ADORA2B: variants seen among roughly 807,000 people sequenced by gnomAD.
The protein encoded by ADORA2B is adenosine A2b receptor, also known as adenosine receptor A2b.
A neutral mutation model predicts 20.8 loss-of-function variants in ADORA2B; 18 were observed. The observed-to-expected ratio is 0.87, with a 90% CI of 0.60 to 1.29. The LOEUF is 1.29. Among genes scored for constraint, ADORA2B ranks in the 50% most tolerant of loss-of-function variants. The pLI is 0.00. For missense variants in ADORA2B, 441 were observed against 422.7 expected (o/e 1.04, Z -0.38); for synonymous variants, 179 against 178.3 (o/e 1.00, Z -0.03).
the ADORA2B span, among the ~76,000 whole-genome samples, chr17:15,929,805 T>TAGTA: frequency 2.6e-5 from 4 of 151,666 alleles, no homozygotes; most frequent in East Asian, 7.7e-4. Context: ...CTACATGAGG[T>TAGTA]AGTAGAGTAG....
the ADORA2B span, among the ~76,000 whole-genome samples, chr17:15,875,901 T>G: frequency 6.6e-6 from 1 of 152,238 alleles, no homozygotes; most frequent in African/African-American, 2.4e-5. Context: ...GTTTTCTATG[T>G]AAATGTCACT....
chr17:15,864,089 C>T, the ADORA2B span: 14 of 201,518 alleles, frequency 6.9e-5, no homozygotes, highest in Non-Finnish European at 1.2e-4. Context: ...GGCCTTGGCC[C>T]GGGAATATGG....
Position 15,945,236 on chromosome 17 carries a change from A to G in ADORA2B, c.-13A>G. 3 of 1,405,372 alleles carry G rather than the reference A, an allele frequency of 2.1e-6. No homozygotes were observed. Among genetic ancestry groups the G allele is most frequent in the Non-Finnish European group, 2.8e-6 (3 of 1,086,284 alleles). The allele number at this position is 1,405,372 out of a possible 1,614,324, so 87.1% of individuals were successfully genotyped here. On this transcript the variant is annotated 5_prime_UTR_variant, in exon 1 of 2. Transcript: ENST00000304222. Reference sequence around the variant, plus strand: ...CTTCGGTAGGGGGCGCCCGGGGCCCAGCTGGCCCGGCCATGCTGCTGGAGA... The same window carrying G: ...CTTCGGTAGGGGGCGCCCGGGGCCCGGCTGGCCCGGCCATGCTGCTGGAGA...
At position 15,945,173 on chromosome 17, in the gene ADORA2B, C is replaced by T; in HGVS notation, c.-76C>T. On this transcript the variant is annotated 5_prime_UTR_variant, in exon 1 of 2. Transcript: ENST00000304222. Reference sequence around the variant, plus strand: ...CGCGGTCCGGGCGCTATGGCCATGCCCGGCGGGTCTCACGCGGCTGCCCCT... The same window carrying T: ...CGCGGTCCGGGCGCTATGGCCATGCTCGGCGGGTCTCACGCGGCTGCCCCT... 7.8e-7 allele frequency: 1 copy of T among 1,279,934 alleles called. No individual in the cohort carries two copies. The allele number at this position is 1,279,934 out of a possible 1,614,324, so 79.3% of individuals were successfully genotyped here. A position where few individuals can be genotyped will look rare whatever the true frequency, so the allele number is the denominator to read the frequency against.
intron 1 of ADORA2B, among the ~76,000 whole-genome samples, chr17:15,963,990 G>A (rs932814406): frequency 5.3e-5 from 8 of 152,168 alleles, no homozygotes; most frequent in African/African-American, 1.9e-4. Flanking sequence ...AGAGCAGCCC[G>A]GGGCCAGGGC....
At chr17:15,874,246 C>T in the ADORA2B span, among the ~76,000 whole-genome samples, 2 of 151,694 alleles carry the variant, frequency 1.3e-5, no homozygotes, top group African/African-American at 4.8e-5. Flanking sequence ...CATATGTTCT[C>T]ACTCATGAGT....
chr17:15,941,957 C>T (rs1461228814), upstream of ADORA2B, among the ~76,000 whole-genome samples: 3 of 150,216 alleles, frequency 2.0e-5, no homozygotes, highest in African/African-American at 4.9e-5. Context: ...TGAAGAGGGG[C>T]GGGTTGTTGT....
intron 1 of ADORA2B, among the ~76,000 whole-genome samples, chr17:15,964,941 T>A (rs1001594816): frequency 6.6e-6 from 1 of 151,952 alleles, no homozygotes; most frequent in Non-Finnish European, 1.5e-5. Context: ...GTGCCTGTAG[T>A]CCCAGCTACT....
the ADORA2B span, among the ~76,000 whole-genome samples, chr17:15,873,377 A>C: frequency 0.011 from 1,615 of 152,262 alleles, 35 homozygotes; most frequent in African/African-American, 0.036. Flanking sequence ...TGCAACAAAA[A>C]CAAAAATAAG....
chr17:15,905,844 C>T, the ADORA2B span, among the ~76,000 whole-genome samples: 30 of 152,122 alleles, frequency 2.0e-4, no homozygotes, highest in African/African-American at 6.5e-4. Context: ...TTAGTAGAGA[C>T]GAGGTTTCAC....
chr17:15,906,969 A>T, the ADORA2B span, among the ~76,000 whole-genome samples: 1 of 152,146 alleles, frequency 6.6e-6, no homozygotes, highest in Non-Finnish European at 1.5e-5. Flanking sequence ...GAGTTTAAAG[A>T]CACCCTTTCC....
the ADORA2B span, among the ~76,000 whole-genome samples, chr17:15,907,345 C>G: frequency 6.6e-6 from 1 of 152,030 alleles, no homozygotes; most frequent in East Asian, 1.9e-4. Context: ...GAAGTCTGTT[C>G]AGATGTTGAA....
chr17:15,918,150 T>C, the ADORA2B span, among the ~76,000 whole-genome samples: 1 of 152,164 alleles, frequency 6.6e-6, no homozygotes, highest in African/African-American at 2.4e-5. Context: ...TGCTGTGTCC[T>C]CACTTGGACA....
the ADORA2B span, among the ~76,000 whole-genome samples, chr17:15,854,094 T>TA: frequency 1.3e-5 from 2 of 152,350 alleles, no homozygotes; most frequent in South Asian, 4.1e-4. Context: ...TAGCTGGTAT[T>TA]ACAGCCATGC....
At chr17:15,860,189 G>A in the ADORA2B span, among the ~76,000 whole-genome samples, 2 of 152,264 alleles carry the variant, frequency 1.3e-5, no homozygotes, top group East Asian at 1.9e-4. Context: ...GCCCTTAAAA[G>A]GGACAGGAAT....
chr17:15,862,807 T>A, the ADORA2B span, among the ~76,000 whole-genome samples: 3 of 27,372 alleles, frequency 1.1e-4, no homozygotes, highest in Non-Finnish European at 3.8e-4. Context: ...GAGTAATAGC[T>A]TTTTTTTTTT....
At chr17:15,861,535 G>A in the ADORA2B span, among the ~76,000 whole-genome samples, 1 of 152,214 alleles carries the variant, frequency 6.6e-6, no homozygotes, top group Non-Finnish European at 1.5e-5. Flanking sequence ...CTGTTTTTGA[G>A]TTATGGTACA....
chr17:15,857,931 T>A, the ADORA2B span, among the ~76,000 whole-genome samples: 1 of 139,652 alleles, frequency 7.2e-6, no homozygotes, highest in African/African-American at 2.6e-5. Context: ...TTCCTTTTTA[T>A]GGGTGAATAT....
the ADORA2B span, among the ~76,000 whole-genome samples, chr17:15,931,212 A>T: frequency 6.6e-6 from 1 of 152,170 alleles, no homozygotes; most frequent in Non-Finnish European, 1.5e-5. Flanking sequence ...GGGTGTCCAG[A>T]TGTAATGTCT....
Sources: allele counts gnomAD v4.1 joint callset (sites outside exome capture counted in the v4.1 genomes callset), GRCh38; gene constraint gnomAD v4.1.1; transcripts MANE v1.5; gene names NCBI Gene and HGNC (gene_info 2026-07-23, HGNC 2026-07-21).